The following SSPN variants were observed in gnomAD, a reference collection of about 807,000 sequenced individuals.
The protein encoded by SSPN is sarcospan.
In SSPN, 15 loss-of-function variants were observed where a neutral mutation model predicts 19.1. The ratio of observed to expected loss-of-function variants is 0.78; its 90% CI spans 0.52 to 1.21. The LOEUF (loss-of-function observed/expected upper bound fraction) is 1.21. Ranked by LOEUF, SSPN falls within the 50% of genes most tolerant of loss-of-function variation. The pLI is 0.00. For missense variants in SSPN, 291 were observed against 314.0 expected, an observed-to-expected ratio of 0.93 and a Z score of 0.55; for synonymous variants, 147 against 140.3, an observed-to-expected ratio of 1.05 and a Z score of -0.34.
At chr12:26,143,007 C>G (rs188524790) in intron 1 of SSPN, among the ~76,000 whole-genome samples, 1 of 152,296 alleles carries the variant, frequency 6.6e-6, no homozygotes, top group African/African-American at 2.4e-5. Context: ...TTACACTGGT[C>G]TAATTATTCT....
intron 1 of SSPN, among the ~76,000 whole-genome samples, chr12:26,151,298 G>A (rs909435856): frequency 3.3e-5 from 5 of 152,064 alleles, no homozygotes; most frequent in Non-Finnish European, 5.9e-5. Flanking sequence ...AGGCTAGAGA[G>A]AAACTGAAGG....
Position 26,124,504 on chromosome 12 carries a change from G to A in SSPN, c.-31+2352G>A, listed in dbSNP as rs181171327. ...CCCATGCAGGTTATGAGGAATATCG[G>A]GAACTTACACTTACCTTGGTGTCGT... On this transcript the variant is annotated intron_variant, in intron 1 of 2. Coordinates refer to the SSPN transcript ENST00000538142. 8.1e-6 allele frequency: 13 copies of A among 1,612,378 alleles called. No homozygotes were observed. In the African/African-American group the frequency reaches 1.3e-4, roughly 17 times the overall value.
intron 2 of SSPN, among the ~76,000 whole-genome samples, chr12:26,229,117 G>C (rs928342906): frequency 1.3e-5 from 2 of 152,296 alleles, no homozygotes; most frequent in African/African-American, 2.4e-5. Context: ...CACAGATGAA[G>C]ATACTTAGGT....
chr12:26,231,224 A>G lies in SSPN; in HGVS notation c.*148A>G, dbSNP rs534493298. ...TATTTTTATATTTTTATGAAACAAA[A>G]GAGCATTTCTTCAGGTTTCTATTGT... On this transcript the variant is annotated 3_prime_UTR_variant, in exon 3 of 3. Transcript: ENST00000242729. 3.6e-5 allele frequency: 43 copies of G among 1,190,598 alleles called. 2 individuals are homozygous for G. The highest frequency in any genetic ancestry group is 3.4e-4 in the South Asian group (18 of 52,670). 73.8% of individuals were successfully genotyped at this position (1,190,598 alleles called of 1,614,324 possible).
At chr12:26,172,863 C>G (rs1944662028) in intron 1 of SSPN, among the ~76,000 whole-genome samples, 1 of 151,848 alleles carries the variant, frequency 6.6e-6, no homozygotes, top group South Asian at 2.1e-4. Context: ...CTCTCTCTCT[C>G]TGTCTGTCTT....
At chr12:26,124,165 T>C (rs1346479750) in intron 1 of SSPN, 1 of 1,603,914 alleles carries the variant, frequency 6.2e-7, no homozygotes, top group East Asian at 2.2e-5. Flanking sequence ...ATCTGTGCGG[T>C]AATTTGTAGG....
intron 1 of SSPN, chr12:26,125,255 T>C (rs1441494300): frequency 1.8e-5 from 3 of 166,714 alleles, no homozygotes; most frequent in African/African-American, 3.0e-5. Context: ...CTATTCATCT[T>C]CCCAAAGGCG....
chr12:26,188,287 C>T (rs1944766621), intron 1 of SSPN, among the ~76,000 whole-genome samples: 1 of 152,070 alleles, frequency 6.6e-6, no homozygotes, highest in South Asian at 2.1e-4. Flanking sequence ...GGAAAAAGAA[C>T]ACGACCCACA....
rs1346184992 is a variant in SSPN at position 26,195,807 on chromosome 12, G to A, written c.135G>A (p.Arg45=). Residue 45 remains arginine (R), a synonymous_variant, in exon 1 of 3, where the codon CGG becomes CGA. Coordinates refer to ENST00000242729, the MANE Select transcript of SSPN (RefSeq NM_005086.5). The part of the protein sequence containing the change: ...APKECGEEEP[R]TCCGCRFPLL... ...AGGAGTGCGGGGAGGAGGAGCCCCG[G>A]ACCTGCTGCGGCTGCCGGTTCCCGC... The A allele has an allele frequency of 6.5e-7, 1 of 1,536,128 alleles. No individual in the cohort carries two copies. Among genetic ancestry groups the A allele is most frequent in the Admixed American group, 2.0e-5 (1 of 49,758 alleles).
intron 1 of SSPN, among the ~76,000 whole-genome samples, chr12:26,153,684 G>A (rs1001701449): frequency 2.6e-5 from 4 of 152,238 alleles, no homozygotes; most frequent in South Asian, 2.1e-4. Flanking sequence ...GGGCACAACC[G>A]TTTTTGTAGG....
At chr12:26,134,101 A>C (rs1944412256) in intron 1 of SSPN, among the ~76,000 whole-genome samples, 1 of 152,238 alleles carries the variant, frequency 6.6e-6, no homozygotes, top group Non-Finnish European at 1.5e-5. Flanking sequence ...AATATGACTT[A>C]GTTCTTGCCT....
At chr12:26,204,699 T>C (rs1290049334) in intron 1 of SSPN, among the ~76,000 whole-genome samples, 4 of 152,194 alleles carry the variant, frequency 2.6e-5, no homozygotes, top group African/African-American at 9.7e-5. Context: ...GATCTTCATT[T>C]TGACACACAT....
chr12:26,122,638 G>GACC (rs1414666536), intron 1 of SSPN: 2 of 1,304,144 alleles, frequency 1.5e-6, no homozygotes, highest in East Asian at 6.3e-5. Flanking sequence ...CCGCCCCCCG[G>GACC]GCCGCCGCCG....
At chr12:26,215,186 A>G (rs1406458550) in intron 1 of SSPN, among the ~76,000 whole-genome samples, 2 of 152,184 alleles carry the variant, frequency 1.3e-5, no homozygotes, top group Non-Finnish European at 2.9e-5. Flanking sequence ...TTGGAGAGTG[A>G]TACCTAGATT....
At chr12:26,124,965 C>A in intron 1 of SSPN, 1 of 635,780 alleles carries the variant, frequency 1.6e-6, no homozygotes, top group Non-Finnish European at 2.9e-6. Flanking sequence ...CTCGCACACA[C>A]ACACGCACAC....
chr12:26,185,366 T>C (rs1048581822), intron 1 of SSPN, among the ~76,000 whole-genome samples: 74 of 152,200 alleles, frequency 4.9e-4, no homozygotes, highest in African/African-American at 1.6e-3. Context: ...TTGCAAATGA[T>C]TGACAGGCAT....
At chr12:26,186,533 C>T (rs1322952954) in intron 1 of SSPN, among the ~76,000 whole-genome samples, 1 of 152,158 alleles carries the variant, frequency 6.6e-6, no homozygotes. Context: ...CACAAGTTGA[C>T]AAAAACATTC....
At chr12:26,216,388 G>A (rs185077599) in intron 1 of SSPN, among the ~76,000 whole-genome samples, 1,716 of 151,600 alleles carry the variant, frequency 0.011, 28 homozygotes, top group African/African-American at 0.039. Context: ...AGAAGTGTCT[G>A]TTCATGTCCT....
chr12:26,185,927 G>A (rs1223235526), intron 1 of SSPN, among the ~76,000 whole-genome samples: 1 of 152,198 alleles, frequency 6.6e-6, no homozygotes, highest in Admixed American at 6.5e-5. Flanking sequence ...TTGAGGGCAG[G>A]AACCTGCCTT....
Sources: allele counts gnomAD v4.1 joint callset (sites outside exome capture counted in the v4.1 genomes callset), GRCh38; gene constraint gnomAD v4.1.1; transcripts MANE v1.5; gene names NCBI Gene and HGNC (gene_info 2026-07-23, HGNC 2026-07-21).